FCRL4: variants seen among roughly 807,000 people sequenced by gnomAD.
The protein encoded by FCRL4 is Fc receptor-like protein 4.
A neutral mutation model predicts 64.1 loss-of-function variants in FCRL4; 43 were observed. The observed-to-expected ratio is 0.67, with a 90% CI of 0.53 to 0.87. The LOEUF is 0.87. FCRL4 is among the 40% of genes least tolerant of loss of function. The pLI, the probability that FCRL4 is intolerant of heterozygous loss-of-function variation, is 0.00. For missense variants in FCRL4, 656 were observed against 613.5 expected (o/e 1.07, Z -0.73); for synonymous variants, 253 against 239.8 (o/e 1.05, Z -0.51).
In FCRL4 at chr1:157,580,318, C is replaced by T. The variant is rs764697674; in HGVS notation, c.1277+3G>A. 1 of 1,614,146 alleles carries T rather than the reference C, an allele frequency of 6.2e-7. No homozygotes were observed. The highest frequency in any genetic ancestry group is 8.5e-7 in the Non-Finnish European group (1 of 1,180,000). Reference sequence around the variant, plus strand: ...AAAGGAATGGCAGAAACTGAGGTCTCACCTGGTTTCGTCTCCCAAGAAACC... The same window carrying T: ...AAAGGAATGGCAGAAACTGAGGTCTTACCTGGTTTCGTCTCCCAAGAAACC... On this transcript the variant is annotated splice_donor_region_variant and intron_variant, in intron 8 of 11. Transcript: ENST00000271532.
intron 6 of FCRL4, among the ~76,000 whole-genome samples, chr1:157,582,524 G>A (rs1439192147): frequency 6.6e-6 from 1 of 152,168 alleles, no homozygotes; most frequent in African/African-American, 2.4e-5. Flanking sequence ...TGTATTCTTG[G>A]TCCCCAGGTA....
chr1:157,588,220 A>G (rs762307979), intron 3 of FCRL4, 101 bp from the exon 4 acceptor site: 46 of 1,396,418 alleles, frequency 3.3e-5, no homozygotes, highest in Non-Finnish European at 4.4e-5. Context: ...TTTCTTCCAC[A>G]GGATGTAGTT....
At chr1:157,597,836 C>T in intron 1 of FCRL4, 78 bp downstream of exon 1, 1 of 1,131,166 alleles carries the variant, frequency 8.8e-7, no homozygotes, top group South Asian at 1.4e-5. Flanking sequence ...TCCATGATTG[C>T]AGCAGCAGAA....
chr1:157,594,196 T>C (rs1652906302), intron 2 of FCRL4, among the ~76,000 whole-genome samples: 1 of 152,190 alleles, frequency 6.6e-6, no homozygotes, highest in Non-Finnish European at 1.5e-5. Flanking sequence ...TGCCCACTAA[T>C]GTGTTTGAAA....
At chr1:157,585,386 CTTTCTTTCCTTCT>C (rs1558155122) in intron 6 of FCRL4, among the ~76,000 whole-genome samples, 21 of 97,078 alleles carry the variant, frequency 2.2e-4, no homozygotes, top group South Asian at 1.7e-3. Context: ...TTCTTTCTTT[CTTTCTTTCCTTCT>C]TTCTTTCTTT....
In FCRL4 at chr1:157,581,642, T is replaced by C. The variant is rs148853519; in HGVS notation, c.1138A>G (p.Thr380Ala). The change falls in exon 7 of 12, where the codon ACC becomes GCC. Residue 380 changes from threonine (T) to alanine (A), a missense_variant and splice_region_variant. Coordinates refer to ENST00000271532, the MANE Select transcript of FCRL4 (RefSeq NM_031282.3). Reference sequence around the variant, plus strand: ...ACAAGGCCATCTCTGTTGCCTGGGGTCTCTAAGGGGAAAGGACCTGTGTGA... The same window carrying C: ...ACAAGGCCATCTCTGTTGCCTGGGGCCTCTAAGGGGAAAGGACCTGTGTGA... Reference protein sequence around the residue: ...SMVLNVTVRETPGNRDGLVAA... With the variant: ...SMVLNVTVREAPGNRDGLVAA... The C allele has an allele frequency of 1.9e-6, 3 of 1,612,408 alleles. No individual in the cohort carries two copies. The highest frequency in any genetic ancestry group is 1.7e-5 in the Admixed American group (1 of 59,934).
chr1:157,583,396 C>CCCTT (rs1380426744), intron 6 of FCRL4, among the ~76,000 whole-genome samples: 2 of 152,096 alleles, frequency 1.3e-5, no homozygotes, highest in African/African-American at 4.8e-5. Context: ...TTGATTTGTG[C>CCCTT]CCTTCTCCCC....
In FCRL4 at chr1:157,586,351, C is replaced by A. The variant is rs777965136; in HGVS notation, c.952G>T (p.Asp318Tyr). The A allele has an allele frequency of 6.2e-7, 1 of 1,613,764 alleles. No homozygotes were observed. The highest frequency in any genetic ancestry group is 8.5e-7 in the Non-Finnish European group (1 of 1,180,010). The change falls in exon 6 of 12, where the codon GAT becomes TAT. Residue 318 changes from aspartate (D) to tyrosine (Y), a missense_variant. By Grantham distance (160) the Asp-to-Tyr change is radical. Coordinates refer to ENST00000271532, the MANE Select transcript of FCRL4 (RefSeq NM_031282.3). ...TCTCGGTGCCAGGAGAATGTGGTATCCCCTGTGCCTTCAGCCACGGAGCAG... is the reference window on the plus strand; with the variant it reads ...TCTCGGTGCCAGGAGAATGTGGTATACCCTGTGCCTTCAGCCACGGAGCAG... Reference protein sequence around the residue: ...LVCSVAEGTGDTTFSWHREDM... With the variant: ...LVCSVAEGTGYTTFSWHREDM...
intron 10 of FCRL4, among the ~76,000 whole-genome samples, chr1:157,576,046 A>C (rs1652404835): frequency 6.6e-6 from 1 of 152,136 alleles, no homozygotes; most frequent in African/African-American, 2.4e-5. Context: ...GCTTCTCTTA[A>C]CTTACAATAC....
intron 10 of FCRL4, 111 bp from the exon 11 acceptor site, chr1:157,575,841 C>A: frequency 1.1e-6 from 1 of 928,538 alleles, no homozygotes. Context: ...TCCACCTCAT[C>A]CCCTCCACCT....
chr1:157,595,101 T>C (rs989022962), intron 2 of FCRL4, among the ~76,000 whole-genome samples: 1 of 152,146 alleles, frequency 6.6e-6, no homozygotes, highest in Non-Finnish European at 1.5e-5. Flanking sequence ...GGTTTCACCA[T>C]GTTGTCCAGG....
At chr1:157,582,819 G>A (rs554308313) in intron 6 of FCRL4, among the ~76,000 whole-genome samples, 1 of 152,278 alleles carries the variant, frequency 6.6e-6, no homozygotes, top group Non-Finnish European at 1.5e-5. Flanking sequence ...AGAGTACGGT[G>A]GAGAGCAGGA....
chr1:157,594,466 T>C (rs1652913031), intron 2 of FCRL4, among the ~76,000 whole-genome samples: 1 of 152,244 alleles, frequency 6.6e-6, no homozygotes. Flanking sequence ...GAAAAGTCAA[T>C]ATTAGATTCA....
intron 6 of FCRL4, among the ~76,000 whole-genome samples, chr1:157,585,390 CTTTCCTTCT>C (rs1558155146): frequency 6.9e-5 from 6 of 86,518 alleles, no homozygotes; most frequent in East Asian, 2.7e-4. Flanking sequence ...TTCTTTCTTT[CTTTCCTTCT>C]TTCTTTCTTT....
intron 10 of FCRL4, among the ~76,000 whole-genome samples, chr1:157,576,377 C>T (rs1417291528): frequency 6.6e-6 from 1 of 152,146 alleles, no homozygotes; most frequent in African/African-American, 2.4e-5. Context: ...TGTATTGTTA[C>T]CATATTCTTA....
intron 2 of FCRL4, among the ~76,000 whole-genome samples, chr1:157,592,899 T>C (rs1652869684): frequency 6.6e-6 from 1 of 152,192 alleles, no homozygotes. Context: ...TGGAATACTA[T>C]GCAGCCATAA....
intron 2 of FCRL4, among the ~76,000 whole-genome samples, chr1:157,593,825 T>C (rs1057399125): frequency 3.3e-5 from 5 of 152,246 alleles, no homozygotes; most frequent in African/African-American, 7.2e-5. Context: ...GTTCTGACTT[T>C]GTGCCGGCTA....
chr1:157,582,992 C>G (rs1652596368), intron 6 of FCRL4, among the ~76,000 whole-genome samples: 1 of 152,188 alleles, frequency 6.6e-6, no homozygotes, highest in Non-Finnish European at 1.5e-5. Context: ...TTCCTGGTAA[C>G]CCTATTTCCT....
At chr1:157,577,254 T>C (rs916674605) in intron 10 of FCRL4, among the ~76,000 whole-genome samples, 1 of 152,150 alleles carries the variant, frequency 6.6e-6, no homozygotes, top group Non-Finnish European at 1.5e-5. Context: ...TCTGAAGTGA[T>C]TTTGAAGTGA....
Sources: gnomAD v4.1 joint callset for allele counts (sites outside exome capture counted in the v4.1 genomes callset) on GRCh38, gnomAD v4.1.1 for gene constraint, MANE v1.5 for transcripts, NCBI Gene and HGNC (gene_info 2026-07-23, HGNC 2026-07-21) for gene names.